UHRF1: variants seen among roughly 807,000 people sequenced by gnomAD.
UHRF1 encodes the protein E3 ubiquitin-protein ligase UHRF1.
A neutral mutation model predicts 96.5 loss-of-function variants in UHRF1; 9 were observed. The observed-to-expected ratio is 0.09, with a 90% CI of 0.06 to 0.16. The LOEUF is 0.16. Ranked by LOEUF, UHRF1 falls within the 10% of genes least tolerant of loss-of-function variation. The pLI is 1.00. For synonymous variants in UHRF1, 455 were observed against 469.9 expected (o/e 0.97, Z 0.41); for missense variants, 626 against 1,131.1 (o/e 0.55, Z 6.40).
chr19:4,909,359 TGGACAGAGGCGGGGGCGCCCCCC>T, upstream of UHRF1: 1 of 607,308 alleles, frequency 1.6e-6, no homozygotes. Flanking sequence ...GGAGGCGCCG[TGGACAGAGGCGGGGGCGCCCCCC>T]ACCCTCTTTC....
chr19:4,934,705 T>A (rs949528313), intron 5 of UHRF1, among the ~76,000 whole-genome samples: 1 of 152,160 alleles, frequency 6.6e-6, no homozygotes, highest in African/African-American at 2.4e-5. Context: ...GCAACGGCGT[T>A]CCAAGTACAG....
intron 5 of UHRF1, among the ~76,000 whole-genome samples, chr19:4,933,928 G>T (rs1005725892): frequency 4.0e-5 from 6 of 149,108 alleles, no homozygotes; most frequent in Non-Finnish European, 7.4e-5. Flanking sequence ...GAATCATTTT[G>T]CAAAGCCTGT....
At chr19:4,959,881 C>T (rs545431577) in intron 16 of UHRF1, among the ~76,000 whole-genome samples, 48 of 151,696 alleles carry the variant, frequency 3.2e-4, no homozygotes, top group African/African-American at 1.1e-3. Flanking sequence ...TTCTTTGAGA[C>T]GCAGAGTCTT....
rs2033954079 is a variant in UHRF1 at position 4,960,195 on chromosome 19, T to C, written c.2236-462T>C. On this transcript the variant is annotated intron_variant, in intron 16 of 16. Coordinates refer to ENST00000650932, the MANE Select transcript of UHRF1 (RefSeq NM_001048201.3). ...AAGCATCTACTGTATACACTGTGCT[T>C]GGTGTTGAGAGAGAACACAGCCTCA... 2.6e-5 allele frequency among the ~76,000 whole-genome samples: 4 copies of C among 152,226 alleles called. No homozygotes were observed. In the South Asian group the frequency reaches 8.3e-4, roughly 32 times the overall value.
In UHRF1 at chr19:4,929,245, C is replaced by T. The variant is rs555886001; in HGVS notation, c.177C>T (p.Phe59=). The change falls in exon 3 of 17, where the codon TTC becomes TTT. Residue 59 remains phenylalanine, a synonymous_variant. Transcript: ENST00000650932. ...AGATGGAGGACGGCCATACCCTCTT[C>T]GACTACGAGGTCCGCCTGAATGACA... ...GKQMEDGHTL[F]DYEVRLNDTI... 133 of 1,613,794 alleles carry T rather than the reference C, an allele frequency of 8.2e-5. No individual in the cohort carries two copies. In the South Asian group the frequency reaches 1.3e-3, roughly 15 times the overall value.
intron 7 of UHRF1, among the ~76,000 whole-genome samples, chr19:4,942,331 C>T (rs1318952488): frequency 6.6e-6 from 1 of 152,042 alleles, no homozygotes; most frequent in Non-Finnish European, 1.5e-5. Flanking sequence ...GCTGGGACTA[C>T]AGGCGCCCGC....
upstream of UHRF1, among the ~76,000 whole-genome samples, chr19:4,907,051 A>G (rs1239849625): frequency 6.6e-6 from 1 of 152,208 alleles, no homozygotes; most frequent in Admixed American, 6.5e-5. Context: ...CGTGGATTAG[A>G]ATGCAGGAGC....
intron 1 of UHRF1, 75 bp from the exon 2 acceptor site, chr19:4,910,801 C>A: frequency 6.8e-7 from 1 of 1,475,826 alleles, no homozygotes; most frequent in South Asian, 1.4e-5. Context: ...AAAAGCAACC[C>A]CGACTCCTTA....
At chr19:4,906,481 C>G (rs1020153196), upstream of UHRF1, among the ~76,000 whole-genome samples, 10 of 152,118 alleles carry the variant, frequency 6.6e-5, no homozygotes, top group Non-Finnish European at 1.2e-4. Context: ...CAGCCAATCA[C>G]AGTGGCTCAT....
exon 1 of UHRF1, chr19:4,903,114 C>T (rs985295579): frequency 7.7e-6 from 3 of 387,118 alleles, no homozygotes; most frequent in South Asian, 2.6e-5. Flanking sequence ...GCAACCTCCG[C>T]CTCATGGGTT....
chr19:4,953,985 C>G (rs2033785876), intron 13 of UHRF1, among the ~76,000 whole-genome samples: 1 of 151,980 alleles, frequency 6.6e-6, no homozygotes, highest in Non-Finnish European at 1.5e-5. Flanking sequence ...AGGGAAGGTT[C>G]ACATCCCTGT....
At chr19:4,929,124 C>A in intron 2 of UHRF1, 98 bp from the exon 3 acceptor site, 1 of 1,465,674 alleles carries the variant, frequency 6.8e-7, no homozygotes. Flanking sequence ...CCCCCCCCCA[C>A]AAGGGCTGGG....
chr19:4,939,613 G>A (rs571288595), intron 5 of UHRF1, among the ~76,000 whole-genome samples: 118 of 152,200 alleles, frequency 7.8e-4, no homozygotes, highest in Non-Finnish European at 1.4e-3. Context: ...TGCTGTGTGC[G>A]TCTGTGCTAC....
chr19:4,942,326 G>A (rs2033431783), intron 7 of UHRF1, among the ~76,000 whole-genome samples: 1 of 152,054 alleles, frequency 6.6e-6, no homozygotes, highest in Non-Finnish European at 1.5e-5. Context: ...GAGTAGCTGG[G>A]ACTACAGGCG....
intron 5 of UHRF1, among the ~76,000 whole-genome samples, chr19:4,935,370 T>G (rs932455700): frequency 2.0e-5 from 3 of 152,148 alleles, no homozygotes; most frequent in African/African-American, 7.2e-5. Flanking sequence ...TTGTGAGGCC[T>G]CCCCAGCCAT....
intron 16 of UHRF1, among the ~76,000 whole-genome samples, chr19:4,958,802 T>C (rs2033920285): frequency 6.6e-6 from 1 of 151,968 alleles, no homozygotes; most frequent in East Asian, 1.9e-4. Flanking sequence ...TGAAACCCCA[T>C]CTCTACTAAA....
In UHRF1 at chr19:4,920,037, G is replaced by A. The variant is rs368360164; in HGVS notation, c.153+8999G>A. On this transcript the variant is annotated intron_variant, in intron 2 of 16. Coordinates refer to ENST00000650932, the MANE Select transcript of UHRF1 (RefSeq NM_001048201.3). ...TCTCCATGTTGGTCAGGCTGGTCTC[G>A]AACTCCTGACCTCAGCTGATCCGTC... Among the ~76,000 whole-genome samples, 18 of 152,106 alleles carry A rather than the reference G, an allele frequency of 1.2e-4. No individual in the cohort carries two copies. The South Asian group carries it at 3.3e-3, about 28-fold the overall frequency.
chr19:4,904,181 T>C (rs1469054079), intron 1 of UHRF1, among the ~76,000 whole-genome samples: 1 of 150,402 alleles, frequency 6.6e-6, no homozygotes, highest in Non-Finnish European at 1.5e-5. Context: ...TTGTTTTTGT[T>C]TTTGTTTTTT....
intron 4 of UHRF1, among the ~76,000 whole-genome samples, chr19:4,932,348 G>A (rs951962987): frequency 5.2e-4 from 79 of 152,128 alleles, no homozygotes; most frequent in Non-Finnish European, 2.1e-4. Context: ...GATTACAGGC[G>A]TGGGCCACCT....
Sources: allele counts gnomAD v4.1 joint callset (sites outside exome capture counted in the v4.1 genomes callset), GRCh38; gene constraint gnomAD v4.1.1; transcripts MANE v1.5; gene names NCBI Gene and HGNC (gene_info 2026-07-23, HGNC 2026-07-21).